The following PIAS1 variants were observed in gnomAD, a reference collection of about 807,000 sequenced individuals.
PIAS1 encodes protein inhibitor of activated STAT 1.
Under a neutral mutation model 71.3 loss-of-function variants are expected in PIAS1, and 6 were observed. The ratio of observed to expected loss-of-function variants is 0.08; its 90% confidence interval spans 0.05 to 0.17. The LOEUF is 0.17. PIAS1 is among the 10% of genes least tolerant of loss of function. The probability of loss-of-function intolerance (pLI) is 1.00; values close to 1 mark genes in which losing one functional copy is unlikely to be tolerated. For missense variants in PIAS1, 555 were observed against 793.6 expected (o/e 0.70, Z 3.61); for synonymous variants, 303 against 292.9 (o/e 1.03, Z -0.35).
intron 2 of PIAS1, among the ~76,000 whole-genome samples, chr15:68,129,985 T>C (rs1229443471): frequency 6.6e-6 from 1 of 152,064 alleles, no homozygotes; most frequent in Non-Finnish European, 1.5e-5. Context: ...TTAATTTTTG[T>C]TTTTTACAGT....
At position 68,086,517 on chromosome 15, in the gene PIAS1, A is replaced by G. The variant is rs1222914658; in HGVS notation, c.236A>G (p.Asn79Ser). The G allele has an allele frequency of 1.9e-6, 3 of 1,613,712 alleles. No homozygotes were observed. Among genetic ancestry groups the G allele is most frequent in the Admixed American group, 1.7e-5 (1 of 59,988 alleles). Reference sequence around the variant, plus strand: ...ACGCCTGCAGACTTGTCCATCCCCAACGTACATTCAAGTCCTATGCCAGCA... The same window carrying G: ...ACGCCTGCAGACTTGTCCATCCCCAGCGTACATTCAAGTCCTATGCCAGCA... Reference protein sequence around the residue: ...IMTPADLSIPNVHSSPMPATL... With the variant: ...IMTPADLSIPSVHSSPMPATL... Residue 79 changes from asparagine (N) to serine (S), a missense_variant, in exon 2 of 14, where the codon AAC becomes AGC. This residue lies in a region of PIAS1 where 80 missense variants were observed against 66.9 expected (regional missense o/e 1.20). Coordinates refer to ENST00000249636, the MANE Select transcript of PIAS1 (RefSeq NM_016166.3). The surrounding 1 kb of genome is among the most constrained non-coding windows in gnomAD (Gnocchi z 7.2).
At chr15:68,146,490 G>T in intron 5 of PIAS1, 76 bp from the exon 6 acceptor site, 1 of 1,058,544 alleles carries the variant, frequency 9.4e-7, no homozygotes, top group Non-Finnish European at 1.4e-6. Flanking sequence ...AGTTTGTAGG[G>T]GGTTTTTTCT....
intron 1 of PIAS1, among the ~76,000 whole-genome samples, chr15:68,070,227 A>T (rs539130420): frequency 7.9e-5 from 12 of 152,324 alleles, no homozygotes; most frequent in African/African-American, 2.9e-4. Flanking sequence ...AACTAGTTGA[A>T]TGTGCCAGGC....
At chr15:68,182,748 T>C (rs2141103526) in intron 12 of PIAS1, among the ~76,000 whole-genome samples, 1 of 152,252 alleles carries the variant, frequency 6.6e-6, no homozygotes, top group Non-Finnish European at 1.5e-5. Flanking sequence ...CGGTTAGATA[T>C]CTTTCTATAC....
At position 68,086,500 on chromosome 15, in the gene PIAS1, A is replaced by C. The variant is rs1028325571; in HGVS notation, c.219A>C (p.Ala73=). 1 of 1,613,842 alleles carries C rather than the reference A, an allele frequency of 6.2e-7. No individual in the cohort carries two copies. Among genetic ancestry groups the C allele is most frequent in the Non-Finnish European group, 8.5e-7 (1 of 1,179,852 alleles). Reference sequence around the variant, plus strand: ...TCCCACAGAAAATCATGACGCCTGCAGACTTGTCCATCCCCAACGTACATT... The same window carrying C: ...TCCCACAGAAAATCATGACGCCTGCCGACTTGTCCATCCCCAACGTACATT... ...RRFPQKIMTP[A]DLSIPNVHSS... Residue 73 remains alanine, a synonymous_variant, in exon 2 of 14, where the codon GCA becomes GCC. Transcript: ENST00000249636. The surrounding 1 kb of genome is among the most constrained non-coding windows in gnomAD (Gnocchi z 7.2).
chr15:68,178,738 G>C lies in PIAS1; in HGVS notation c.1481+2084G>C, dbSNP rs1026912087. On this transcript the variant is annotated intron_variant, in intron 11 of 13. Transcript: ENST00000249636. This position sits in a 1 kb window ranked among gnomAD's most constrained non-coding sequence, Gnocchi z 4.2. ...ATATATATATTTGTTCTGTTCTTTA[G>C]ACTATTAATAGTAATATGTATTTAT... is the stretch of plus-strand genomic sequence containing the variant. Among the ~76,000 whole-genome samples the C allele has an allele frequency of 6.6e-6, 1 of 151,902 alleles. No homozygotes were observed. Among genetic ancestry groups the C allele is most frequent in the Non-Finnish European group, 1.5e-5 (1 of 67,964 alleles).
intron 1 of PIAS1, among the ~76,000 whole-genome samples, chr15:68,067,485 CTCACTG>C (rs1474856745): frequency 6.6e-5 from 10 of 151,634 alleles, no homozygotes; most frequent in African/African-American, 2.4e-4. Flanking sequence ...TTTTTCTTCC[CTCACTG>C]TCATTTTGTT....
At chr15:68,120,741 A>G (rs1407951476) in intron 2 of PIAS1, among the ~76,000 whole-genome samples, 1 of 151,834 alleles carries the variant, frequency 6.6e-6, no homozygotes, top group South Asian at 2.1e-4. Context: ...TGCAACCTCC[A>G]CCTCCCGAAT....
intron 1 of PIAS1, among the ~76,000 whole-genome samples, chr15:68,058,803 A>T (rs1337373233): frequency 6.6e-6 from 1 of 152,200 alleles, no homozygotes; most frequent in African/African-American, 2.4e-5. Flanking sequence ...CATGGTTAAC[A>T]TCTGGGTATT....
intron 2 of PIAS1, among the ~76,000 whole-genome samples, chr15:68,138,728 G>T (rs1047341839): frequency 1.3e-5 from 2 of 152,206 alleles, no homozygotes; most frequent in African/African-American, 4.8e-5. Flanking sequence ...GCCCGCCTCA[G>T]TCTCCCAAAG....
chr15:68,069,963 G>A (rs1742959990), intron 1 of PIAS1, among the ~76,000 whole-genome samples: 1 of 152,164 alleles, frequency 6.6e-6, no homozygotes, highest in African/African-American at 2.4e-5. Flanking sequence ...TCTGGAATAT[G>A]AATTAACAAT....
chr15:68,158,564 A>G (rs749347418), intron 7 of PIAS1, among the ~76,000 whole-genome samples: 25 of 152,104 alleles, frequency 1.6e-4, no homozygotes, highest in Non-Finnish European at 2.9e-4. Flanking sequence ...GGAGGAATTT[A>G]ATCTTATTTT....
chr15:68,096,368 G>T (rs930979876), intron 2 of PIAS1, among the ~76,000 whole-genome samples: 3 of 151,450 alleles, frequency 2.0e-5, no homozygotes, highest in Non-Finnish European at 4.4e-5. Flanking sequence ...TGTGAGGCTT[G>T]CAGTTTTGTT....
intron 1 of PIAS1, among the ~76,000 whole-genome samples, chr15:68,080,722 G>A (rs2092221222): frequency 6.6e-6 from 1 of 152,196 alleles, no homozygotes; most frequent in African/African-American, 2.4e-5. Flanking sequence ...TACAGAATTT[G>A]TGATTATGCA....
chr15:68,114,684 G>C (rs1271855548), intron 2 of PIAS1, among the ~76,000 whole-genome samples: 1 of 151,938 alleles, frequency 6.6e-6, no homozygotes, highest in Non-Finnish European at 1.5e-5. Context: ...TCTTAGATTA[G>C]CTCAGTGTTT....
chr15:68,150,936 C>T (rs1303206606), intron 6 of PIAS1, among the ~76,000 whole-genome samples: 1 of 152,062 alleles, frequency 6.6e-6, no homozygotes, highest in Non-Finnish European at 1.5e-5. Flanking sequence ...GGATACTCAA[C>T]TTGTACTAGT....
Position 68,072,399 on chromosome 15 carries a change from C to CAAAAAAAAA in PIAS1, c.25-13886_25-13878dup, listed in dbSNP as rs1166484451. On this transcript the variant is annotated intron_variant, in intron 1 of 13. Coordinates refer to ENST00000249636, the MANE Select transcript of PIAS1 (RefSeq NM_016166.3). ...TGGGTGACAGAGCGAGACTCCATCT[C>CAAAAAAAAA]AAAAAAAAAAAAAAAAAAAAAAAAA... is the stretch of plus-strand genomic sequence containing the variant. Among the ~76,000 whole-genome samples, 40 of 25,024 alleles carry CAAAAAAAAA rather than the reference C, an allele frequency of 1.6e-3. 2 individuals are homozygous for CAAAAAAAAA. Among genetic ancestry groups the CAAAAAAAAA allele is most frequent in the African/African-American group, 5.2e-3 (39 of 7,502 alleles). The allele number at this position is 25,024 out of a possible 152,430, so 16.4% of individuals were successfully genotyped here.
intron 1 of PIAS1, among the ~76,000 whole-genome samples, chr15:68,056,129 T>G (rs774433721): frequency 6.6e-6 from 1 of 152,252 alleles, no homozygotes. Flanking sequence ...AATTTTTCTC[T>G]TAGAGTCACT....
intron 11 of PIAS1, among the ~76,000 whole-genome samples, chr15:68,179,561 GTTCTTTTTTTT>G (rs1465767081): frequency 0.022 from 662 of 30,190 alleles, 31 homozygotes; most frequent in African/African-American, 0.043. Context: ...CTCGTGAAAT[GTTCTTTTTTTT>G]TTTTTTTTTT....
Sources: gnomAD v4.1 joint callset for allele counts (sites outside exome capture counted in the v4.1 genomes callset) on GRCh38, gnomAD v4.1.1 for gene constraint, gnomAD v4.1.1 regional missense constraint, Gnocchi (gnomAD v3.1) non-coding constraint, MANE v1.5 for transcripts, NCBI Gene and HGNC (gene_info 2026-07-23, HGNC 2026-07-21) for gene names.